SAMD12: variants seen among roughly 807,000 people sequenced by gnomAD.
SAMD12 encodes the protein sterile alpha motif domain-containing protein 12.
Under a neutral mutation model 15.0 loss-of-function variants are expected in SAMD12, and 9 were observed. The ratio of observed to expected loss-of-function variants is 0.60; its 90% confidence interval spans 0.36 to 1.05. SAMD12 has a LOEUF of 1.05. Among genes scored for constraint, SAMD12 ranks in the 50% least tolerant of loss-of-function variants. SAMD12 has a pLI of 0.01. For synonymous variants in SAMD12, 86 were observed against 90.1 expected, an observed-to-expected ratio of 0.96 and a Z score of 0.25; for missense variants, 230 against 234.2, an observed-to-expected ratio of 0.98 and a Z score of 0.12.
chr8:118,422,260 C>T (rs1426456038), intron 3 of SAMD12, among the ~76,000 whole-genome samples: 1 of 152,212 alleles, frequency 6.6e-6, no homozygotes. Flanking sequence ...GACACAATTT[C>T]TACCTTAGAG....
intron 2 of SAMD12, among the ~76,000 whole-genome samples, chr8:118,544,658 A>G (rs1826074705): frequency 6.6e-6 from 1 of 152,204 alleles, no homozygotes. Context: ...AGATTCAGAG[A>G]CAGCCAAAAA....
intron 3 of SAMD12, among the ~76,000 whole-genome samples, chr8:118,424,626 G>T (rs12678159): frequency 6.6e-6 from 1 of 151,938 alleles, no homozygotes; most frequent in Non-Finnish European, 1.5e-5. Context: ...ATTTCAACAG[G>T]GAACATGGGG....
At chr8:118,149,990 C>A in the SAMD12 span, among the ~76,000 whole-genome samples, 1 of 152,142 alleles carries the variant, frequency 6.6e-6, no homozygotes, top group African/African-American at 2.4e-5. Context: ...CAGTGATTCT[C>A]CACTGAAAGT....
At chr8:118,222,274 G>A (rs976841020) in intron 4 of SAMD12, among the ~76,000 whole-genome samples, 20 of 151,966 alleles carry the variant, frequency 1.3e-4, no homozygotes, top group African/African-American at 4.4e-4. Context: ...TATTATAGAT[G>A]CCTGCAGGAC....
At chr8:118,291,022 T>C (rs1219304261) in intron 4 of SAMD12, among the ~76,000 whole-genome samples, 2 of 152,242 alleles carry the variant, frequency 1.3e-5, no homozygotes, top group Admixed American at 1.3e-4. Flanking sequence ...CTAATTATTC[T>C]CATAAGCAGC....
chr8:118,293,545 A>T (rs1814533515), intron 4 of SAMD12, among the ~76,000 whole-genome samples: 1 of 152,254 alleles, frequency 6.6e-6, no homozygotes. Context: ...GGTTTTCCTC[A>T]GCAATTTATG....
chr8:118,269,003 G>A (rs902332355), intron 4 of SAMD12, among the ~76,000 whole-genome samples: 1 of 152,094 alleles, frequency 6.6e-6, no homozygotes, highest in African/African-American at 2.4e-5. Flanking sequence ...AATATAGAGA[G>A]TAAAAGAAAG....
At chr8:118,454,126 C>T (rs1477451020) in intron 2 of SAMD12, among the ~76,000 whole-genome samples, 1 of 152,182 alleles carries the variant, frequency 6.6e-6, no homozygotes, top group Non-Finnish European at 1.5e-5. Context: ...TAAGCAACTT[C>T]CTAAGAAATG....
downstream of SAMD12, among the ~76,000 whole-genome samples, chr8:118,188,032 G>T (rs1563684334): frequency 1.3e-5 from 2 of 151,152 alleles, no homozygotes; most frequent in African/African-American, 4.9e-5. Flanking sequence ...GGGTAAATGG[G>T]TTGGAAGAGA....
intron 3 of SAMD12, among the ~76,000 whole-genome samples, chr8:118,431,241 T>G (rs1822396681): frequency 6.6e-6 from 1 of 152,204 alleles, no homozygotes; most frequent in Admixed American, 6.5e-5. Flanking sequence ...ACCCAGTGTA[T>G]TATTGTTATT....
intron 2 of SAMD12, among the ~76,000 whole-genome samples, chr8:118,496,359 G>A (rs1563894505): frequency 1.3e-5 from 2 of 152,104 alleles, no homozygotes; most frequent in Admixed American, 6.5e-5. Context: ...CATGGTACTG[G>A]CATAAAAACA....
chr8:118,384,527 A>G (rs979932060), intron 3 of SAMD12, among the ~76,000 whole-genome samples: 1 of 152,142 alleles, frequency 6.6e-6, no homozygotes, highest in African/African-American at 2.4e-5. Context: ...TACAATGCCC[A>G]GAAGTGGGGT....
chr8:118,329,204 T>C (rs939611775), intron 4 of SAMD12, among the ~76,000 whole-genome samples: 30 of 152,144 alleles, frequency 2.0e-4, no homozygotes, highest in African/African-American at 7.2e-4. Context: ...ACCCCTTCCC[T>C]ATCTTGGACA....
At chr8:118,209,805 T>G (rs533221457) in intron 4 of SAMD12, among the ~76,000 whole-genome samples, 13 of 152,218 alleles carry the variant, frequency 8.5e-5, no homozygotes, top group Non-Finnish European at 1.9e-4. Context: ...TATGTAATCT[T>G]GGACCAGTCA....
chr8:118,275,943 T>G (rs548466786), intron 4 of SAMD12, among the ~76,000 whole-genome samples: 1 of 152,340 alleles, frequency 6.6e-6, no homozygotes, highest in Non-Finnish European at 1.5e-5. Flanking sequence ...CACATTTTCT[T>G]TATCCAATCC....
At chr8:118,425,179 C>T (rs184569434) in intron 3 of SAMD12, among the ~76,000 whole-genome samples, 8 of 152,254 alleles carry the variant, frequency 5.3e-5, no homozygotes, top group Non-Finnish European at 1.2e-4. Context: ...ACCTTGTGAT[C>T]TGCCCGCCTT....
chr8:118,266,662 A>T (rs978485811), intron 4 of SAMD12, among the ~76,000 whole-genome samples: 6 of 152,156 alleles, frequency 3.9e-5, no homozygotes, highest in Non-Finnish European at 5.9e-5. Context: ...GTCTTTAAAA[A>T]AGAAGATCCT....
chr8:118,388,998 C>T (rs1160643923), intron 3 of SAMD12, among the ~76,000 whole-genome samples: 2 of 152,158 alleles, frequency 1.3e-5, no homozygotes, highest in Non-Finnish European at 2.9e-5. Flanking sequence ...CAATATGTGG[C>T]AGTGGACAGG....
At chr8:118,501,968 G>A (rs887139565) in intron 2 of SAMD12, among the ~76,000 whole-genome samples, 2 of 150,764 alleles carry the variant, frequency 1.3e-5, no homozygotes, top group Non-Finnish European at 2.9e-5. Flanking sequence ...TGCAGTGAGC[G>A]GAGATTGCGC....
Sources: gnomAD v4.1 joint callset for allele counts (sites outside exome capture counted in the v4.1 genomes callset) on GRCh38, gnomAD v4.1.1 for gene constraint, MANE v1.5 for transcripts, NCBI Gene and HGNC (gene_info 2026-07-23, HGNC 2026-07-21) for gene names.